Variants in MIB1 observed in about 807,000 individuals in gnomAD.
The protein encoded by MIB1 is E3 ubiquitin-protein ligase MIB1.
In MIB1, 278 loss-of-function variants were observed where a neutral mutation model predicts 124.5. The ratio of observed to expected loss-of-function variants is 2.23; its 90% CI spans 2.02 to 2.47. The LOEUF is 2.47. Among genes scored for constraint, MIB1 ranks in the 30% most tolerant of loss-of-function variants. MIB1 has a pLI of 0.00. For synonymous variants in MIB1, 446 were observed against 429.4 expected (o/e 1.04, Z -0.48); for missense variants, 957 against 1,254.4 (o/e 0.76, Z 3.58).
chr18:21,785,332 A>G (rs139302451), intron 6 of MIB1, among the ~76,000 whole-genome samples: 27 of 152,030 alleles, frequency 1.8e-4, no homozygotes, highest in African/African-American at 4.6e-4. Flanking sequence ...CTTTTCTTCT[A>G]TCTCTCTGTC....
intron 1 of MIB1, among the ~76,000 whole-genome samples, chr18:21,710,000 C>T (rs2040658577): frequency 6.6e-6 from 1 of 152,152 alleles, no homozygotes; most frequent in South Asian, 2.1e-4. Flanking sequence ...AATTACAATG[C>T]TACATTAAAA....
chr18:21,730,920 G>A (rs2040766410), intron 1 of MIB1, among the ~76,000 whole-genome samples: 1 of 152,114 alleles, frequency 6.6e-6, no homozygotes, highest in South Asian at 2.1e-4. Flanking sequence ...CAGATCTTTT[G>A]GTTTCTCCAG....
At chr18:21,780,033 C>CA (rs529893402) in intron 6 of MIB1, among the ~76,000 whole-genome samples, 60 of 152,274 alleles carry the variant, frequency 3.9e-4, no homozygotes, top group African/African-American at 1.3e-3. Flanking sequence ...TGGACTATAT[C>CA]AGTCTACCCT....
intron 6 of MIB1, among the ~76,000 whole-genome samples, chr18:21,781,390 TATATATATATATATATATATATATAA>T (rs1568199021): frequency 1.4e-5 from 1 of 69,374 alleles, no homozygotes; most frequent in African/African-American, 5.7e-5. Context: ...TATATATATA[TATATATATATATATATATATATATAA>T]AATTATTATT....
chr18:21,798,846 T>A (rs1010796983), intron 8 of MIB1, among the ~76,000 whole-genome samples: 1 of 152,100 alleles, frequency 6.6e-6, no homozygotes, highest in Non-Finnish European at 1.5e-5. Context: ...TGTGTGTACA[T>A]GTTGTCATCC....
chr18:21,804,384 T>TTTG, intron 10 of MIB1, among the ~76,000 whole-genome samples: 1 of 152,340 alleles, frequency 6.6e-6, no homozygotes, highest in East Asian at 1.9e-4. Context: ...GGAAACTTTT[T>TTTG]TTGTTGTTGT....
At chr18:21,820,476 C>T (rs1282435196) in intron 12 of MIB1, among the ~76,000 whole-genome samples, 1 of 152,116 alleles carries the variant, frequency 6.6e-6, no homozygotes, top group Non-Finnish European at 1.5e-5. Flanking sequence ...TAGAGGGTGA[C>T]CACAGGAAAC....
rs35808714 is a variant in MIB1 at position 21,725,785 on chromosome 18, GGGAAGGAA to G, written n.167+20683_167+20690del. ...AAGGAAGGAGGGAGGGAGGGAGAGA[GGGAAGGAA>G]GGAAGGAAGGAAGGAAGGAAAACTA... On this transcript the variant is annotated intron_variant and non_coding_transcript_variant, in intron 1 of 20. Coordinates refer to the MIB1 transcript ENST00000578646. Among the ~76,000 whole-genome samples the G allele has an allele frequency of 1.7e-4, 26 of 151,060 alleles. No homozygotes were observed. The East Asian group carries it at 2.9e-3, about 17-fold the overall frequency.
intron 10 of MIB1, among the ~76,000 whole-genome samples, chr18:21,806,251 A>T (rs2041705257): frequency 6.7e-6 from 1 of 148,618 alleles, no homozygotes; most frequent in South Asian, 2.1e-4. Context: ...CCCTGACTGG[A>T]GTGCAGTGGC....
intron 12 of MIB1, among the ~76,000 whole-genome samples, chr18:21,821,668 G>A (rs1053809374): frequency 1.0e-4 from 15 of 149,666 alleles, no homozygotes; most frequent in Non-Finnish European, 1.6e-4. Flanking sequence ...GCACAATCTC[G>A]GCTCACTGCA....
intron 15 of MIB1, 47 bp from the exon 16 acceptor site, chr18:21,846,897 A>T (rs772505185): frequency 1.3e-6 from 2 of 1,566,970 alleles, no homozygotes; most frequent in African/African-American, 2.7e-5. Context: ...ACAAGAATTG[A>T]TGGCAGATTC....
At chr18:21,846,877 A>G (rs2042139108) in intron 15 of MIB1, 67 bp from the exon 16 acceptor site, 1 of 1,451,130 alleles carries the variant, frequency 6.9e-7, no homozygotes. Flanking sequence ...ACACATACAT[A>G]TATATGATGA....
At chr18:21,822,900 G>A (rs976363631) in intron 12 of MIB1, among the ~76,000 whole-genome samples, 4 of 151,994 alleles carry the variant, frequency 2.6e-5, no homozygotes, top group Non-Finnish European at 5.9e-5. Flanking sequence ...AGGAGCTTGA[G>A]ATCAACCTGG....
intron 17 of MIB1, among the ~76,000 whole-genome samples, chr18:21,851,592 T>C (rs1468117504): frequency 2.0e-5 from 3 of 151,968 alleles, no homozygotes; most frequent in Non-Finnish European, 4.4e-5. Context: ...TGGAGGGAGG[T>C]ATAAACAAGC....
intron 1 of MIB1, among the ~76,000 whole-genome samples, chr18:21,760,933 T>G (rs980513250): frequency 3.3e-5 from 5 of 152,250 alleles, no homozygotes; most frequent in Non-Finnish European, 7.3e-5. Flanking sequence ...AAATCAGATT[T>G]ATTTTAGACC....
rs34277676 is a variant in MIB1, at chr18:21,721,159, GTTTTTTTTTTT to G, written n.167+16065_167+16075del. Among the ~76,000 whole-genome samples the G allele has an allele frequency of 8.0e-3, 238 of 29,734 alleles. 2 individuals are homozygous for G. Among genetic ancestry groups the G allele is most frequent in the Middle Eastern group, 0.091 (2 of 22 alleles). The allele number at this position is 29,734 out of a possible 152,430, so 19.5% of individuals were successfully genotyped here. A position where few individuals can be genotyped will look rare whatever the true frequency, so the allele number is the denominator to read the frequency against. On this transcript the variant is annotated intron_variant and non_coding_transcript_variant, in intron 1 of 20. Coordinates refer to the MIB1 transcript ENST00000578646. ...TGAAAGATTTAAACATTTTAAAGAAGTTTTTTTTTTTTTTTTTTTTTTTTTTTTTTTTTTTT... is the reference window on the plus strand; with the variant it reads ...TGAAAGATTTAAACATTTTAAAGAAGTTTTTTTTTTTTTTTTTTTTTTTTT...
At chr18:21,714,371 T>C (rs1258307292) in intron 1 of MIB1, among the ~76,000 whole-genome samples, 2 of 152,074 alleles carry the variant, frequency 1.3e-5, no homozygotes, top group Non-Finnish European at 2.9e-5. Context: ...GTAGGGAGGA[T>C]AGGGCATGGG....
chr18:21,744,813 G>A (rs1455207458), intron 1 of MIB1, among the ~76,000 whole-genome samples: 6 of 152,220 alleles, frequency 3.9e-5, no homozygotes, highest in African/African-American at 1.2e-4. Flanking sequence ...ACTCGGCTAG[G>A]TCACCAGGAA....
intron 1 of MIB1, among the ~76,000 whole-genome samples, chr18:21,753,466 T>C (rs2040997775): frequency 6.6e-6 from 1 of 151,990 alleles, no homozygotes; most frequent in Non-Finnish European, 1.5e-5. Context: ...GCGATTACAG[T>C]GTGAGCCATC....
Sources: allele counts gnomAD v4.1 joint callset (sites outside exome capture counted in the v4.1 genomes callset), GRCh38; gene constraint gnomAD v4.1.1; transcripts MANE v1.5; gene names NCBI Gene and HGNC (gene_info 2026-07-23, HGNC 2026-07-21).